The following TMEM126A variants were observed in gnomAD, a reference collection of about 807,000 sequenced individuals.
TMEM126A encodes optic atrophy 7.
In TMEM126A, 10 loss-of-function variants were observed where a neutral mutation model predicts 18.3. The observed-to-expected ratio is 0.55, with a 90% CI of 0.34 to 0.93. The LOEUF is 0.93. Among genes scored for constraint, TMEM126A ranks in the 40% least tolerant of loss-of-function variants. TMEM126A has a pLI of 0.02. For synonymous variants in TMEM126A, 68 were observed against 78.1 expected (o/e 0.87, Z 0.68); for missense variants, 246 against 230.2 (o/e 1.07, Z -0.44).
chr11:85,655,415 T>A (rs142848822), intron 3 of TMEM126A, 179 bp from the exon 4 acceptor site: 3 of 563,258 alleles, frequency 5.3e-6, no homozygotes, highest in African/African-American at 1.9e-5. Context: ...TTACCAATTA[T>A]TCCTAGCTAT....
intron 1 of TMEM126A, among the ~76,000 whole-genome samples, chr11:85,649,871 A>G (rs142272875): frequency 1.6e-4 from 25 of 152,238 alleles, no homozygotes; most frequent in African/African-American, 5.3e-4. Flanking sequence ...ATGTAGTTCC[A>G]TGTATGTTCT....
intron 3 of TMEM126A, among the ~76,000 whole-genome samples, chr11:85,654,833 T>C (rs1261182804): frequency 6.6e-6 from 1 of 150,710 alleles, no homozygotes; most frequent in Non-Finnish European, 1.5e-5. Flanking sequence ...TATACATATA[T>C]ATGAAAATTA....
At position 85,654,235 on chromosome 11, in the gene TMEM126A, G is replaced by A. The variant is rs142626884; in HGVS notation, c.259G>A (p.Val87Ile). ...AACAGACTTAACTTACAGATGTTTT[G>A]TAAGTTTTCCTTTGAATACAGGTAA... Reference protein sequence around the residue: ...LTTDLTYRCFVSFPLNTGDLD... With the variant: ...LTTDLTYRCFISFPLNTGDLD... The change falls in exon 3 of 5, where the codon GTA (valine) becomes ATA (isoleucine). Residue 87 changes from valine to isoleucine, a missense_variant. Physicochemically the swap from Val to Ile is conservative, Grantham distance 29. Coordinates refer to ENST00000304511, the MANE Select transcript of TMEM126A (RefSeq NM_032273.4). 6.8e-6 allele frequency: 11 copies of A among 1,613,978 alleles called. No homozygotes were observed. Among genetic ancestry groups the A allele is most frequent in the South Asian group, 3.3e-5 (3 of 91,084 alleles).
chr11:85,653,230 T>G (rs2511789), intron 2 of TMEM126A, among the ~76,000 whole-genome samples: 1 of 152,300 alleles, frequency 6.6e-6, no homozygotes, highest in East Asian at 1.9e-4. Context: ...GCATCATGAT[T>G]GCAAAGTGTC....
chr11:85,653,794 G>T (rs991845291), intron 2 of TMEM126A, among the ~76,000 whole-genome samples: 32 of 152,088 alleles, frequency 2.1e-4, no homozygotes, highest in African/African-American at 7.7e-4. Flanking sequence ...ATGTAAATCG[G>T]TGATTATATA....
intron 2 of TMEM126A, among the ~76,000 whole-genome samples, chr11:85,652,803 G>A (rs1366075507): frequency 6.6e-6 from 1 of 151,194 alleles, no homozygotes; most frequent in African/African-American, 2.4e-5. Flanking sequence ...ATGTATATAT[G>A]TATTTTATAT....
intron 2 of TMEM126A, among the ~76,000 whole-genome samples, chr11:85,653,778 C>A (rs2082517623): frequency 1.3e-5 from 2 of 152,004 alleles, no homozygotes; most frequent in South Asian, 4.1e-4. Flanking sequence ...AGTGTAGAAG[C>A]CTGACATGTA....
At position 85,656,469 on chromosome 11, in the gene TMEM126A, C is replaced by T; in HGVS notation, c.556C>T (p.Gln186Ter). The T allele has an allele frequency of 6.2e-7, 1 of 1,613,126 alleles. No homozygotes were observed. The highest frequency in any genetic ancestry group is 1.1e-5 in the South Asian group (1 of 91,050). Reference protein sequence around the residue: ...EQYKLLIKALQLSEPGKEIH With the variant: ...EQYKLLIKAL Reference sequence around the variant, plus strand: ...ATATAAACTACTTATAAAGGCCCTTCAGTTATCTGAACCTGGCAAAGAAAT... The same window carrying T: ...ATATAAACTACTTATAAAGGCCCTTTAGTTATCTGAACCTGGCAAAGAAAT... The change falls in exon 5 of 5, where the codon CAG (glutamine) becomes TAG (stop). Residue 186 changes from glutamine to a stop codon, truncating the protein, a stop_gained. Transcript: ENST00000304511. LOFTEE classifies it high-confidence loss of function.
chr11:85,653,775 A>G (rs2082517610), intron 2 of TMEM126A, among the ~76,000 whole-genome samples: 1 of 152,178 alleles, frequency 6.6e-6, no homozygotes, highest in Non-Finnish European at 1.5e-5. Flanking sequence ...ACTAGTGTAG[A>G]AGCCTGACAT....
At chr11:85,654,762 T>C (rs1389272848) in intron 3 of TMEM126A, among the ~76,000 whole-genome samples, 2 of 152,024 alleles carry the variant, frequency 1.3e-5, no homozygotes, top group African/African-American at 4.8e-5. Flanking sequence ...AATACTTCCC[T>C]TTTTCTAACA....
intron 4 of TMEM126A, 117 bp from the exon 5 acceptor site, chr11:85,656,192 C>A: frequency 1.1e-6 from 1 of 935,752 alleles, no homozygotes; most frequent in South Asian, 1.5e-5. Flanking sequence ...CACTGAAGAC[C>A]TTTACTTTAA....
intron 3 of TMEM126A, chr11:85,655,331 G>A: frequency 2.7e-6 from 1 of 375,514 alleles, no homozygotes; most frequent in East Asian, 6.1e-5. Context: ...CAGAAAGCTA[G>A]CAGTAGCCCA....
At position 85,655,664 on chromosome 11, in the gene TMEM126A, C is replaced by T. The variant is rs751631228; in HGVS notation, c.351C>T (p.Tyr117=). The T allele has an allele frequency of 3.7e-6, 6 of 1,613,632 alleles. No individual in the cohort carries two copies. In the South Asian group the frequency reaches 5.5e-5, roughly 15 times the overall value. ...GLTGLVIGGL[Y]PVFLAIPVNG... is the part of the protein sequence containing the mutation. The stretch of plus-strand genomic sequence containing the variant: ...CTGGTCTTGTTATTGGTGGTCTATA[C>T]CCTGTTTTCTTGGCTATACCTGTAA... Residue 117 remains tyrosine, a synonymous_variant, in exon 4 of 5, where the codon TAC becomes TAT. Coordinates refer to ENST00000304511, the MANE Select transcript of TMEM126A (RefSeq NM_032273.4).
intron 4 of TMEM126A, 84 bp downstream of exon 4, chr11:85,655,792 C>A: frequency 2.0e-6 from 2 of 988,896 alleles, no homozygotes; most frequent in Non-Finnish European, 3.2e-6. Context: ...GTTTTTAAGG[C>A]ATTTAGACCA....
chr11:85,649,388 C>CTA (rs1565798705), intron 1 of TMEM126A, among the ~76,000 whole-genome samples: 38 of 152,180 alleles, frequency 2.5e-4, no homozygotes, highest in African/African-American at 9.2e-4. Context: ...AGCCACCCAG[C>CTA]TAAGAATGAT....
chr11:85,649,382 ACC>A (rs1239059269), intron 1 of TMEM126A, among the ~76,000 whole-genome samples: 38 of 152,216 alleles, frequency 2.5e-4, no homozygotes, highest in African/African-American at 9.2e-4. Context: ...TGGTACAGCC[ACC>A]CAGCTAAGAA....
intron 2 of TMEM126A, among the ~76,000 whole-genome samples, chr11:85,653,024 T>A (rs1591464399): frequency 6.6e-6 from 1 of 152,304 alleles, no homozygotes; most frequent in East Asian, 1.9e-4. Flanking sequence ...CTAATTATAA[T>A]CTATGTACTC....
At chr11:85,652,288 T>G (rs2082506490) in intron 2 of TMEM126A, among the ~76,000 whole-genome samples, 1 of 152,248 alleles carries the variant, frequency 6.6e-6, no homozygotes, top group African/African-American at 2.4e-5. Flanking sequence ...AATGTTTCAA[T>G]CATTGGCATC....
intron 3 of TMEM126A, among the ~76,000 whole-genome samples, chr11:85,655,231 C>T (rs924796444): frequency 2.6e-5 from 4 of 152,132 alleles, no homozygotes; most frequent in African/African-American, 9.7e-5. Flanking sequence ...CCAGTGGAAA[C>T]AATTTCTATG....
Sources: gnomAD v4.1 joint callset for allele counts (sites outside exome capture counted in the v4.1 genomes callset) on GRCh38, gnomAD v4.1.1 for gene constraint, MANE v1.5 for transcripts, NCBI Gene and HGNC (gene_info 2026-07-23, HGNC 2026-07-21) for gene names.